The following PPM1L variants were observed in gnomAD, a reference collection of about 807,000 sequenced individuals.
PPM1L encodes the protein protein phosphatase, Mg2+/Mn2+ dependent 1L.
A neutral mutation model predicts 31.4 loss-of-function variants in PPM1L; 13 were observed. The observed-to-expected ratio is 0.41, with a 90% CI of 0.27 to 0.66. PPM1L has a LOEUF of 0.66. Ranked by LOEUF, PPM1L falls within the 30% of genes least tolerant of loss-of-function variation. The probability of loss-of-function intolerance (pLI) is 0.29; values close to 1 mark genes in which losing one functional copy is unlikely to be tolerated. For synonymous variants in PPM1L, 184 were observed against 175.4 expected (o/e 1.05, Z -0.39); for missense variants, 326 against 453.7 (o/e 0.72, Z 2.56).
chr3:160,846,944 A>G (rs1445800606), intron 1 of PPM1L, among the ~76,000 whole-genome samples: 4 of 152,156 alleles, frequency 2.6e-5, no homozygotes, highest in African/African-American at 9.7e-5. Flanking sequence ...ACTCATTATA[A>G]CAGGGCCACT....
At chr3:161,019,452 C>T (rs1289756619) in intron 2 of PPM1L, among the ~76,000 whole-genome samples, 1 of 152,174 alleles carries the variant, frequency 6.6e-6, no homozygotes, top group Non-Finnish European at 1.5e-5. Context: ...CCTATCTTGG[C>T]TTGCAAAAGT....
At chr3:160,761,626 C>A (rs1714970854) in intron 1 of PPM1L, among the ~76,000 whole-genome samples, 1 of 152,162 alleles carries the variant, frequency 6.6e-6, no homozygotes, top group Non-Finnish European at 1.5e-5. Flanking sequence ...AACCTCACTC[C>A]TAGGACAGTT....
intron 1 of PPM1L, among the ~76,000 whole-genome samples, chr3:160,858,574 G>A (rs1378281250): frequency 1.3e-5 from 2 of 152,064 alleles, no homozygotes; most frequent in African/African-American, 4.8e-5. Flanking sequence ...TTTTATATTT[G>A]TTTTTATAAT....
chr3:160,879,877 C>T (rs1344263057), intron 1 of PPM1L, among the ~76,000 whole-genome samples: 1 of 152,178 alleles, frequency 6.6e-6, no homozygotes, highest in African/African-American at 2.4e-5. Context: ...TTGAGAACTG[C>T]TCCTGTAGGA....
chr3:160,905,928 T>A (rs1208784102), intron 1 of PPM1L, among the ~76,000 whole-genome samples: 1 of 152,170 alleles, frequency 6.6e-6, no homozygotes, highest in Non-Finnish European at 1.5e-5. Context: ...TTAAACCTTT[T>A]AAAATCTTAG....
Position 161,010,556 on chromosome 3 carries a change from G to A in PPM1L, c.574+48646G>A, listed in dbSNP as rs554296713. Among the ~76,000 whole-genome samples, 124 of 152,306 alleles carry A rather than the reference G, an allele frequency of 8.1e-4. 1 individual carries two copies. The highest frequency in any genetic ancestry group is 2.8e-3 in the African/African-American group (116 of 41,560). On this transcript the variant is annotated intron_variant, in intron 2 of 3. Coordinates refer to ENST00000498165, the MANE Select transcript of PPM1L (RefSeq NM_139245.4). ...ATATACCCAGTAATGGGATGGCTGGGTAAAATGGTATTTCTAGTTCTAGAT... is the reference window on the plus strand; with the variant it reads ...ATATACCCAGTAATGGGATGGCTGGATAAAATGGTATTTCTAGTTCTAGAT...
chr3:160,951,694 G>A (rs985563662), intron 1 of PPM1L, among the ~76,000 whole-genome samples: 5 of 152,168 alleles, frequency 3.3e-5, no homozygotes, highest in Non-Finnish European at 7.3e-5. Context: ...GACTGATAAA[G>A]TTATTTGAGG....
intron 2 of PPM1L, among the ~76,000 whole-genome samples, chr3:161,006,537 T>A (rs1199912182): frequency 1.3e-5 from 2 of 152,204 alleles, no homozygotes; most frequent in African/African-American, 4.8e-5. Context: ...AAGTTTTTTT[T>A]AAAGTAAACT....
intron 2 of PPM1L, among the ~76,000 whole-genome samples, chr3:161,002,457 G>A (rs1234306878): frequency 2.6e-5 from 4 of 152,122 alleles, no homozygotes; most frequent in Admixed American, 1.3e-4. Context: ...CCCACCAACA[G>A]CGTAAAAGTG....
chr3:160,936,367 A>G (rs1714974770), intron 1 of PPM1L, among the ~76,000 whole-genome samples: 1 of 152,188 alleles, frequency 6.6e-6, no homozygotes, highest in Non-Finnish European at 1.5e-5. Context: ...CTGGGATTAC[A>G]GGCATGAGCC....
intron 1 of PPM1L, among the ~76,000 whole-genome samples, chr3:160,935,225 A>G (rs1412080646): frequency 6.6e-6 from 1 of 152,158 alleles, no homozygotes; most frequent in African/African-American, 2.4e-5. Flanking sequence ...TTTGATTATA[A>G]ATAATAACTC....
In PPM1L at chr3:161,071,564, G is replaced by A. The variant is rs1332859031; in HGVS notation, c.*2407G>A. Reference sequence around the variant, plus strand: ...ATTTCTGATGTTAACCAAATAGAGTGTATATATCCTACTCCCATTACTGCC... The same window carrying A: ...ATTTCTGATGTTAACCAAATAGAGTATATATATCCTACTCCCATTACTGCC... On this transcript the variant is annotated 3_prime_UTR_variant, in exon 4 of 4. Transcript: ENST00000498165. 3 of 152,174 alleles carry A rather than the reference G, an allele frequency of 2.0e-5. No homozygotes were observed. Among genetic ancestry groups the A allele is most frequent in the Non-Finnish European group, 1.5e-5 (1 of 68,030 alleles). The allele number at this position is 152,174 out of a possible 1,614,324, so 9.4% of individuals were successfully genotyped here.
intron 1 of PPM1L, among the ~76,000 whole-genome samples, chr3:160,768,782 C>T (rs939784390): frequency 6.6e-5 from 10 of 152,020 alleles, no homozygotes; most frequent in Admixed American, 2.0e-4. Context: ...CAAGTGGAAG[C>T]GGATTAAACA....
intron 2 of PPM1L, among the ~76,000 whole-genome samples, chr3:161,035,085 G>C (rs1285361270): frequency 5.3e-5 from 8 of 151,276 alleles, no homozygotes; most frequent in Admixed American, 2.0e-4. Context: ...GGCCTGTCAG[G>C]GGGTGGGGGG....
In PPM1L at chr3:160,944,809, AAC is replaced by A. The variant is rs1332471457; in HGVS notation, c.400-16925_400-16924del. On this transcript the variant is annotated intron_variant, in intron 1 of 3. Coordinates refer to ENST00000498165, the MANE Select transcript of PPM1L (RefSeq NM_139245.4). ...TATATATGTTATATATAACATATAT[AAC>A]ATATATATGTTATATATAACATATA... Among the ~76,000 whole-genome samples the A allele has an allele frequency of 2.7e-4, 2 of 7,308 alleles. 1 individual carries two copies. The highest frequency in any genetic ancestry group is 3.4e-3 in the Admixed American group (2 of 580). The allele number at this position is 7,308 out of a possible 152,430, so 4.8% of individuals were successfully genotyped here.
At chr3:160,831,149 A>G (rs778049866) in intron 1 of PPM1L, among the ~76,000 whole-genome samples, 5 of 152,216 alleles carry the variant, frequency 3.3e-5, no homozygotes, top group Non-Finnish European at 5.9e-5. Context: ...CAATTTATAT[A>G]TGGTCTGACT....
intron 1 of PPM1L, among the ~76,000 whole-genome samples, chr3:160,911,568 G>C (rs1713974092): frequency 6.6e-6 from 1 of 152,094 alleles, no homozygotes; most frequent in South Asian, 2.1e-4. Context: ...AGTCTGCCTG[G>C]GCTCCTTTTA....
At chr3:161,021,964 C>T (rs1718246252) in intron 2 of PPM1L, among the ~76,000 whole-genome samples, 1 of 151,818 alleles carries the variant, frequency 6.6e-6, no homozygotes, top group Non-Finnish European at 1.5e-5. Context: ...TAATCTCTGC[C>T]TTTTTATTAG....
At chr3:160,808,383 CTGTGTGTGTGTGTGTGTGTGTG>C in intron 1 of PPM1L, among the ~76,000 whole-genome samples, 1 of 110,364 alleles carries the variant, frequency 9.1e-6, no homozygotes, top group South Asian at 3.2e-4. Flanking sequence ...CAGGATTTTC[CTGTGTGTGTGTGTGTGTGTGTG>C]TGTGTGTGTG....
Sources: gnomAD v4.1 joint callset for allele counts (sites outside exome capture counted in the v4.1 genomes callset) on GRCh38, gnomAD v4.1.1 for gene constraint, MANE v1.5 for transcripts, NCBI Gene and HGNC (gene_info 2026-07-23, HGNC 2026-07-21) for gene names.